PRMT8: variants seen among roughly 807,000 people sequenced by gnomAD.
PRMT8 encodes the protein protein arginine N-methyltransferase 8.
A neutral mutation model predicts 47.1 loss-of-function variants in PRMT8; 7 were observed. That is an observed-to-expected ratio of 0.15 (90% confidence interval 0.08 to 0.28). The LOEUF is 0.28. Ranked by LOEUF, PRMT8 falls within the 10% of genes least tolerant of loss-of-function variation. The pLI is 1.00. For missense variants in PRMT8, 237 were observed against 505.4 expected (o/e 0.47, Z 5.09); for synonymous variants, 188 against 186.5 (o/e 1.01, Z -0.07).
intron 1 of PRMT8, among the ~76,000 whole-genome samples, chr12:3,464,704 T>C (rs1203638515): frequency 6.6e-6 from 1 of 152,232 alleles, no homozygotes; most frequent in Non-Finnish European, 1.5e-5. Flanking sequence ...GGTTTGGAGC[T>C]TGGATACTGA....
chr12:3,495,045 G>A (rs2137115775), intron 1 of PRMT8, among the ~76,000 whole-genome samples: 1 of 152,204 alleles, frequency 6.6e-6, no homozygotes, highest in Non-Finnish European at 1.5e-5. Flanking sequence ...CTGTTCCCTA[G>A]GTGTCATGAG....
chr12:3,425,242 A>G (rs1208532401), intron 1 of PRMT8, among the ~76,000 whole-genome samples: 1 of 152,186 alleles, frequency 6.6e-6, no homozygotes, highest in African/African-American at 2.4e-5. Context: ...GTCCTTTGGT[A>G]TTTATTAAAG....
At chr12:3,548,470 G>T (rs572018329) in intron 2 of PRMT8, among the ~76,000 whole-genome samples, 15 of 152,286 alleles carry the variant, frequency 9.8e-5, no homozygotes, top group African/African-American at 3.6e-4. Context: ...TGTATAAACT[G>T]CAATTCAGTA....
intron 1 of PRMT8, among the ~76,000 whole-genome samples, chr12:3,430,091 G>C (rs1370548943): frequency 6.6e-6 from 1 of 152,238 alleles, no homozygotes; most frequent in Non-Finnish European, 1.5e-5. Flanking sequence ...CTCTCTGAGT[G>C]AGCAGTTCCT....
In PRMT8 at chr12:3,478,307, T is replaced by TCTATCTATCTATCTAC. The variant is rs369719549; in HGVS notation, c.49-62296_49-62295insTCTATCTATCTACCTA. 5.1e-3 allele frequency among the ~76,000 whole-genome samples: 692 copies of TCTATCTATCTATCTAC among 135,738 alleles called. 33 individuals are homozygous for TCTATCTATCTATCTAC. Among genetic ancestry groups the TCTATCTATCTATCTAC allele is most frequent in the Non-Finnish European group, 5.7e-3 (358 of 62,358 alleles). 89.0% of individuals were successfully genotyped at this position (135,738 alleles called of 152,430 possible). A position where few individuals can be genotyped will look rare whatever the true frequency, so the allele number is the denominator to read the frequency against. On this transcript the variant is annotated intron_variant, in intron 1 of 9. Transcript: ENST00000452611. ...ATCTATCTATCTATCTATCTATCTA[T>TCTATCTATCTATCTAC]CTACCTACCTATCTATCTGTCTGTC...
chr12:3,440,384 C>T (rs1864787964), intron 1 of PRMT8, among the ~76,000 whole-genome samples: 1 of 152,120 alleles, frequency 6.6e-6, no homozygotes, highest in Non-Finnish European at 1.5e-5. Flanking sequence ...ATTGCTAGAA[C>T]CTGGGAGGCA....
intron 1 of PRMT8, among the ~76,000 whole-genome samples, chr12:3,420,003 G>T (rs1297433751): frequency 1.8e-5 from 2 of 111,390 alleles, no homozygotes; most frequent in African/African-American, 6.8e-5. Context: ...GGGGAGAGGG[G>T]GAGAGAGGGG....
At chr12:3,548,520 A>G (rs12423361) in intron 2 of PRMT8, among the ~76,000 whole-genome samples, 40,438 of 152,088 alleles carry the variant, frequency 0.27, 5,667 homozygotes, top group East Asian at 0.46. Flanking sequence ...TGAACAGAGG[A>G]CTTGAATAGG....
At position 3,570,312 on chromosome 12, in the gene PRMT8, T is replaced by C. The variant is rs1258551440; in HGVS notation, c.712+748T>C. Among the ~76,000 whole-genome samples the C allele has an allele frequency of 6.6e-6, 1 of 152,212 alleles. No individual in the cohort carries two copies. Among genetic ancestry groups the C allele is most frequent in the Non-Finnish European group, 1.5e-5 (1 of 68,042 alleles). ...ACACTTCTCTGTGACACAGGCCTGATCCTTAATGAGATTATACCAAACATG... is the reference window on the plus strand; with the variant it reads ...ACACTTCTCTGTGACACAGGCCTGACCCTTAATGAGATTATACCAAACATG... On this transcript the variant is annotated intron_variant, in intron 6 of 9. Coordinates refer to ENST00000382622, the MANE Select transcript of PRMT8 (RefSeq NM_019854.5). This position sits in a 1 kb window ranked among gnomAD's most constrained non-coding sequence, Gnocchi z 5.5.
At chr12:3,472,273 G>A (rs776493272) in intron 1 of PRMT8, among the ~76,000 whole-genome samples, 2 of 152,196 alleles carry the variant, frequency 1.3e-5, no homozygotes, top group Non-Finnish European at 2.9e-5. Context: ...ATTCCGGCTG[G>A]CCTCAGCCTT....
At chr12:3,421,589 G>A (rs1286197859) in intron 1 of PRMT8, among the ~76,000 whole-genome samples, 1 of 152,164 alleles carries the variant, frequency 6.6e-6, no homozygotes, top group African/African-American at 2.4e-5. Flanking sequence ...AAATGCTGTT[G>A]TTTTGGCCAC....
intron 1 of PRMT8, among the ~76,000 whole-genome samples, chr12:3,450,343 T>C (rs1212939455): frequency 6.6e-6 from 1 of 152,190 alleles, no homozygotes; most frequent in African/African-American, 2.4e-5. Context: ...TACTAGTCAT[T>C]TGGAAAATAT....
At position 3,533,512 on chromosome 12, in the gene PRMT8, T is replaced by A. The variant is rs534704144; in HGVS notation, c.76-7094T>A. 4.6e-5 allele frequency among the ~76,000 whole-genome samples: 7 copies of A among 152,362 alleles called. No homozygotes were observed. The East Asian group carries it at 1.4e-3, about 29-fold the overall frequency. ...TATTTTATGGGTGGCCCAAGACCAT[T>A]CTTCTTCTTCTAATGTGGCCCAGGG... is the stretch of plus-strand genomic sequence containing the variant. On this transcript the variant is annotated intron_variant, in intron 1 of 9. Coordinates refer to ENST00000382622, the MANE Select transcript of PRMT8 (RefSeq NM_019854.5).
At chr12:3,512,623 T>C (rs1194234598) in intron 1 of PRMT8, among the ~76,000 whole-genome samples, 1 of 152,156 alleles carries the variant, frequency 6.6e-6, no homozygotes, top group East Asian at 1.9e-4. Context: ...TAATTCTACT[T>C]TCTTAACACT....
intron 4 of PRMT8, among the ~76,000 whole-genome samples, chr12:3,555,538 C>G (rs10774156): frequency 6.6e-6 from 1 of 151,994 alleles, no homozygotes; most frequent in Non-Finnish European, 1.5e-5. Flanking sequence ...GGATTTGTAA[C>G]CAGGAAAACA....
intron 1 of PRMT8, among the ~76,000 whole-genome samples, chr12:3,468,389 G>A (rs1865125306): frequency 6.6e-6 from 1 of 152,186 alleles, no homozygotes; most frequent in South Asian, 2.1e-4. Flanking sequence ...TCTGTGCTTA[G>A]ACAAGATTAT....
chr12:3,507,890 C>G (rs1294391545), intron 1 of PRMT8, among the ~76,000 whole-genome samples: 3 of 151,980 alleles, frequency 2.0e-5, no homozygotes, highest in Non-Finnish European at 4.4e-5. Context: ...TCCTGAGTAC[C>G]TGGGATTATA....
chr12:3,512,729 G>T (rs535855410), intron 1 of PRMT8, among the ~76,000 whole-genome samples: 3 of 152,232 alleles, frequency 2.0e-5, no homozygotes, highest in South Asian at 2.1e-4. Flanking sequence ...TCTCGTCTCC[G>T]CACTGCAGCA....
intron 1 of PRMT8, among the ~76,000 whole-genome samples, chr12:3,418,663 C>A (rs1416314508): frequency 6.6e-6 from 1 of 152,152 alleles, no homozygotes; most frequent in Non-Finnish European, 1.5e-5. Context: ...ACTCTAGCTA[C>A]CTCACCCCAC....
Sources: gnomAD v4.1 joint callset for allele counts (sites outside exome capture counted in the v4.1 genomes callset) on GRCh38, gnomAD v4.1.1 for gene constraint, Gnocchi (gnomAD v3.1) non-coding constraint, MANE v1.5 for transcripts, NCBI Gene and HGNC (gene_info 2026-07-23, HGNC 2026-07-21) for gene names.